GRIK4: variants seen among roughly 807,000 people sequenced by gnomAD.
The protein encoded by GRIK4 is glutamate receptor ionotropic, kainate 4.
Under a neutral mutation model 104.9 loss-of-function variants are expected in GRIK4, and 40 were observed. That is an observed-to-expected ratio of 0.38 (90% CI 0.30 to 0.50). The LOEUF (loss-of-function observed/expected upper bound fraction) is 0.50. GRIK4 is among the 20% of genes least tolerant of loss of function. The probability of loss-of-function intolerance (pLI) is 0.93; values close to 1 mark genes in which losing one functional copy is unlikely to be tolerated. For synonymous variants in GRIK4, 485 were observed against 524.9 expected, an observed-to-expected ratio of 0.92 and a Z score of 1.04; for missense variants, 1,047 against 1,308.1, an observed-to-expected ratio of 0.80 and a Z score of 3.08.
At chr11:120,883,939 C>T (rs964304706) in intron 11 of GRIK4, among the ~76,000 whole-genome samples, 2 of 152,164 alleles carry the variant, frequency 1.3e-5, no homozygotes, top group African/African-American at 4.8e-5. Context: ...AAGCAGCCTG[C>T]GTCAGTCAGC....
chr11:120,833,275 C>G (rs922425516), intron 7 of GRIK4, among the ~76,000 whole-genome samples: 1 of 98,908 alleles, frequency 1.0e-5, no homozygotes, highest in South Asian at 3.4e-4. Context: ...TTCTTTCTCT[C>G]TCTCTCTTTC....
At chr11:120,585,598 G>A in intron 1 of GRIK4, among the ~76,000 whole-genome samples, 1 of 151,814 alleles carries the variant, frequency 6.6e-6, no homozygotes, top group East Asian at 1.9e-4. Flanking sequence ...TTTATACATT[G>A]TACTTTTGGT....
chr11:120,899,311 C>CT lies in GRIK4; in HGVS notation c.1272+674dup, dbSNP rs531918236. Among the ~76,000 whole-genome samples, 359 of 151,132 alleles carry CT rather than the reference C, an allele frequency of 2.4e-3. 3 individuals are homozygous for CT. The highest frequency in any genetic ancestry group is 8.5e-3 in the African/African-American group (347 of 41,064). On this transcript the variant is annotated intron_variant, in intron 12 of 20. Coordinates refer to ENST00000527524, the MANE Select transcript of GRIK4 (RefSeq NM_014619.5). ...TGGCACACGCCTGAAATTCCAGCTA[C>CT]TTGGGAGGCTGAGGCACGAGAATCA...
intron 19 of GRIK4, among the ~76,000 whole-genome samples, chr11:120,971,858 G>A (rs550548507): frequency 1.3e-5 from 2 of 152,314 alleles, no homozygotes; most frequent in South Asian, 4.1e-4. Flanking sequence ...GAATAGGTAG[G>A]ATGAGGTTGG....
At chr11:120,614,831 C>G (rs1376370891) in intron 1 of GRIK4, among the ~76,000 whole-genome samples, 1 of 152,074 alleles carries the variant, frequency 6.6e-6, no homozygotes, top group East Asian at 1.9e-4. Flanking sequence ...AACCCCGTCT[C>G]TACTAACAAT....
At chr11:120,765,231 C>T (rs77618663) in intron 3 of GRIK4, among the ~76,000 whole-genome samples, 1 of 151,602 alleles carries the variant, frequency 6.6e-6, no homozygotes, top group African/African-American at 2.4e-5. Context: ...GATATCCTTT[C>T]TTCTGCTTGA....
At chr11:120,635,968 A>G (rs1315208125) in intron 1 of GRIK4, among the ~76,000 whole-genome samples, 1 of 152,134 alleles carries the variant, frequency 6.6e-6, no homozygotes, top group Non-Finnish European at 1.5e-5. Context: ...CGCTATCCTG[A>G]CTTCCATAGA....
At chr11:120,514,784 C>T in intron 1 of GRIK4, among the ~76,000 whole-genome samples, 1 of 152,204 alleles carries the variant, frequency 6.6e-6, no homozygotes, top group East Asian at 1.9e-4. Context: ...ACCCTCCTTC[C>T]CTCTCTCTGG....
intron 3 of GRIK4, among the ~76,000 whole-genome samples, chr11:120,718,086 T>A (rs1233341998): frequency 6.6e-6 from 1 of 152,202 alleles, no homozygotes; most frequent in Non-Finnish European, 1.5e-5. Flanking sequence ...ATAAGTCCAT[T>A]TGCTTGTTGC....
At chr11:120,751,576 G>A (rs371483835) in intron 3 of GRIK4, among the ~76,000 whole-genome samples, 88 of 152,292 alleles carry the variant, frequency 5.8e-4, no homozygotes, top group African/African-American at 2.0e-3. Flanking sequence ...GGGTGGGTTT[G>A]GGGGAAGGGC....
intron 3 of GRIK4, among the ~76,000 whole-genome samples, chr11:120,785,101 T>C (rs994806609): frequency 2.6e-5 from 4 of 152,148 alleles, no homozygotes; most frequent in Admixed American, 6.5e-5. Context: ...CTCTGTCCCA[T>C]AAGTCGTCCA....
intron 20 of GRIK4, among the ~76,000 whole-genome samples, chr11:120,984,996 A>T (rs61903169): frequency 0.23 from 35,240 of 151,198 alleles, 4,292 homozygotes; most frequent in African/African-American, 0.3. Flanking sequence ...GCCCAGCTAA[A>T]TTTTGTGGTT....
chr11:120,950,621 C>G (rs983159477), intron 14 of GRIK4, among the ~76,000 whole-genome samples: 1 of 152,198 alleles, frequency 6.6e-6, no homozygotes, highest in African/African-American at 2.4e-5. Context: ...GTGGACCACA[C>G]TAGTGATTTC....
At chr11:120,925,348 C>T (rs1326695721) in intron 13 of GRIK4, among the ~76,000 whole-genome samples, 7 of 152,172 alleles carry the variant, frequency 4.6e-5, no homozygotes, top group African/African-American at 7.2e-5. Context: ...AGAAACCTGT[C>T]GCCTGGGCTT....
At chr11:120,739,609 CA>C (rs1486340233) in intron 3 of GRIK4, among the ~76,000 whole-genome samples, 2 of 152,194 alleles carry the variant, frequency 1.3e-5, no homozygotes, top group African/African-American at 4.8e-5. Flanking sequence ...CTTTCTCTGT[CA>C]TTCTGTGTTT....
intron 9 of GRIK4, chr11:120,871,660 G>C (rs142968509): frequency 2.2e-6 from 1 of 456,382 alleles, no homozygotes; most frequent in Admixed American, 2.3e-5. Context: ...GACGGAGGCC[G>C]AGGGCAGTGG....
chr11:120,922,350 C>T (rs1943243892), intron 13 of GRIK4, among the ~76,000 whole-genome samples: 1 of 152,184 alleles, frequency 6.6e-6, no homozygotes, highest in African/African-American at 2.4e-5. Context: ...GAGCTGCCCC[C>T]AGCAGTTGCC....
In GRIK4 at chr11:120,552,202, C is replaced by T. The variant is rs117588351; in HGVS notation, c.-159+40315C>T. Among the ~76,000 whole-genome samples, 905 of 152,220 alleles carry T rather than the reference C, an allele frequency of 5.9e-3. 4 individuals carry two copies. Among genetic ancestry groups the T allele is most frequent in the Admixed American group, 0.015 (229 of 15,302 alleles). On this transcript the variant is annotated intron_variant, in intron 1 of 20. Coordinates refer to ENST00000527524, the MANE Select transcript of GRIK4 (RefSeq NM_014619.5). ...GGCAGTCTTGGGACTGAGCCCTCAC[C>T]CAGTGGGATCTGAGTTTATCTCCAG...
intron 13 of GRIK4, among the ~76,000 whole-genome samples, chr11:120,935,338 G>A (rs1232278349): frequency 6.6e-6 from 1 of 152,128 alleles, no homozygotes; most frequent in East Asian, 1.9e-4. Flanking sequence ...ATCACCTGAG[G>A]TCAGGAGTTC....
Sources: allele counts gnomAD v4.1 joint callset (sites outside exome capture counted in the v4.1 genomes callset), GRCh38; gene constraint gnomAD v4.1.1; transcripts MANE v1.5; gene names NCBI Gene and HGNC (gene_info 2026-07-23, HGNC 2026-07-21).